Variants in ZNF442 observed in about 807,000 individuals in gnomAD.
ZNF442 encodes zinc finger protein 442.
Under a neutral mutation model 57.0 loss-of-function variants are expected in ZNF442, and 45 were observed. That is an observed-to-expected ratio of 0.79 (90% CI 0.62 to 1.01). The LOEUF is 1.01. ZNF442 is among the 50% of genes least tolerant of loss of function. The pLI is 0.00. For synonymous variants in ZNF442, 213 were observed against 241.8 expected (o/e 0.88, Z 1.10); for missense variants, 690 against 756.5 (o/e 0.91, Z 1.03).
upstream of ZNF442, among the ~76,000 whole-genome samples, chr19:12,370,424 T>C (rs781777935): frequency 3.9e-5 from 6 of 152,054 alleles, no homozygotes; most frequent in Non-Finnish European, 8.8e-5. Flanking sequence ...ACTCGCCCGC[T>C]GCTCACCTTC....
chr19:12,371,413 A>G, the ZNF442 span, among the ~76,000 whole-genome samples: 16 of 152,348 alleles, frequency 1.1e-4, no homozygotes, highest in South Asian at 3.3e-3. Context: ...CCTTTGGAGT[A>G]ATATTATATA....
Position 12,349,694 on chromosome 19 carries a change from T to C in ZNF442, c.*7A>G, listed in dbSNP as rs1352838019. ...ATGAAATAAAATTAATGAATGCTTT[T>C]CCACATTTATAGAGTATCTCTCCAG... is the stretch of plus-strand genomic sequence containing the variant. On this transcript the variant is annotated 3_prime_UTR_variant, in exon 6 of 6. Coordinates refer to ENST00000242804, the MANE Select transcript of ZNF442 (RefSeq NM_030824.3). The C allele has an allele frequency of 1.3e-6, 2 of 1,572,842 alleles. No homozygotes were observed. The highest frequency in any genetic ancestry group is 2.7e-5 in the African/African-American group (2 of 72,832).
chr19:12,370,265 A>G (rs559374495), upstream of ZNF442, among the ~76,000 whole-genome samples: 1 of 151,768 alleles, frequency 6.6e-6, no homozygotes, highest in East Asian at 1.9e-4. Context: ...CATAAGGTGC[A>G]TGCAACCTGG....
chr19:12,363,175 A>G (rs1969467195), intron 3 of ZNF442, among the ~76,000 whole-genome samples: 2 of 151,896 alleles, frequency 1.3e-5, no homozygotes, highest in East Asian at 1.9e-4. Context: ...AAAAAAAAAA[A>G]AAAAAGGAAT....
chr19:12,372,231 C>T, the ZNF442 span, among the ~76,000 whole-genome samples: 7 of 151,980 alleles, frequency 4.6e-5, no homozygotes, highest in Admixed American at 2.0e-4. Context: ...CCAAGGTGGG[C>T]GGATTACCTG....
chr19:12,369,437 G>A (rs202101361), upstream of ZNF442, among the ~76,000 whole-genome samples: 4 of 152,042 alleles, frequency 2.6e-5, no homozygotes, highest in East Asian at 7.8e-4. Flanking sequence ...TGACCGACAT[G>A]GAGAAACCCC....
chr19:12,369,564 G>T (rs141783758), upstream of ZNF442, among the ~76,000 whole-genome samples: 418 of 151,480 alleles, frequency 2.8e-3, 2 homozygotes, highest in African/African-American at 9.2e-3. Flanking sequence ...GTTGCAGTGA[G>T]CACTCCAGCC....
chr19:12,365,679 G>A lies in ZNF442; in HGVS notation c.-629C>T. 1 of 210,662 alleles carries A rather than the reference G, an allele frequency of 4.7e-6. No homozygotes were observed. Among genetic ancestry groups the A allele is most frequent in the Non-Finnish European group, 9.8e-6 (1 of 102,490 alleles). 13.0% of individuals were successfully genotyped at this position (210,662 alleles called of 1,614,324 possible). A position where few individuals can be genotyped will look rare whatever the true frequency, so the allele number is the denominator to read the frequency against. The stretch of plus-strand genomic sequence containing the variant: ...GCGGGAGCTCAGAGGGGTGTAGAAA[G>A]CTCCACCCTCCTCCCGGCAGCGCGC... On this transcript the variant is annotated 5_prime_UTR_variant, in exon 1 of 6. Transcript: ENST00000242804.
In ZNF442 at chr19:12,350,949, C is replaced by T. The variant is rs749492175; in HGVS notation, c.636G>A (p.Lys212=). The T allele has an allele frequency of 2.7e-5, 44 of 1,614,072 alleles. No individual in the cohort carries two copies. Among genetic ancestry groups the T allele is most frequent in the Non-Finnish European group, 3.2e-5 (38 of 1,180,036 alleles). The stretch of plus-strand genomic sequence containing the variant: ...GCCAAAAAAAGGCTTTCCCACACAA[C>T]TTACATATATAAGGTCCACCTCCAC... ...VQRGGGPYIC[K]LCGKAFFWPS... The change falls in exon 6 of 6, where the codon AAG becomes AAA. Residue 212 remains lysine (K), a synonymous_variant. Transcript: ENST00000242804.
chr19:12,366,401 C>T (rs574374612), upstream of ZNF442, among the ~76,000 whole-genome samples: 1 of 152,282 alleles, frequency 6.6e-6, no homozygotes, highest in South Asian at 2.1e-4. Flanking sequence ...GAAGTTGAGT[C>T]CCAGAGTGTG....
chr19:12,360,995 C>T (rs1969416101), intron 3 of ZNF442, among the ~76,000 whole-genome samples: 1 of 152,096 alleles, frequency 6.6e-6, no homozygotes, highest in East Asian at 1.9e-4. Flanking sequence ...AGTTCAAGAC[C>T]AGCCTGATCA....
chr19:12,359,583 C>A (rs766426912), intron 3 of ZNF442, among the ~76,000 whole-genome samples: 1 of 152,082 alleles, frequency 6.6e-6, no homozygotes, highest in Non-Finnish European at 1.5e-5. Flanking sequence ...GCTCCAGGAC[C>A]GTGAACTTTG....
At chr19:12,351,466 A>G (rs112592794) in intron 5 of ZNF442, 148 bp from the exon 6 acceptor site, 8 of 729,786 alleles carry the variant, frequency 1.1e-5, no homozygotes, top group African/African-American at 8.9e-5. Context: ...ATGTTGTACA[A>G]GATAACTCGA....
At chr19:12,373,292 T>A in the ZNF442 span, among the ~76,000 whole-genome samples, 1 of 152,098 alleles carries the variant, frequency 6.6e-6, no homozygotes, top group Non-Finnish European at 1.5e-5. Context: ...GTAATCCCAG[T>A]ACTTTGGGAG....
At chr19:12,357,938 A>G (rs1474374375) in intron 3 of ZNF442, among the ~76,000 whole-genome samples, 1 of 147,844 alleles carries the variant, frequency 6.8e-6, no homozygotes, top group Non-Finnish European at 1.5e-5. Flanking sequence ...CACATTATTT[A>G]CACGTGGGAG....
At chr19:12,373,457 G>A in the ZNF442 span, among the ~76,000 whole-genome samples, 8 of 152,128 alleles carry the variant, frequency 5.3e-5, no homozygotes, top group East Asian at 1.9e-4. Flanking sequence ...TGGGAGGATC[G>A]CTTGAGCCCG....
intron 3 of ZNF442, among the ~76,000 whole-genome samples, chr19:12,361,752 G>C (rs1342287277): frequency 1.5e-5 from 2 of 135,626 alleles, no homozygotes; most frequent in Non-Finnish European, 3.0e-5. Flanking sequence ...TCCCTCCACG[G>C]TCTCCCTCTG....
chr19:12,350,268 A>C lies in ZNF442; in HGVS notation c.1317T>G (p.Gly439=), dbSNP rs1286834089. The C allele has an allele frequency of 2.9e-5, 46 of 1,613,118 alleles. No homozygotes were observed. Among genetic ancestry groups the C allele is most frequent in the Non-Finnish European group, 3.7e-5 (44 of 1,179,796 alleles). ...GEKPYECKEC[G]KAFRISSSLR... ...GGGAACTAGAAATACGGAAGGCTTT[A>C]CCACATTCTTTACATTCATAGGGTT... Residue 439 remains glycine (G), a synonymous_variant, in exon 6 of 6, where the codon GGT becomes GGG. Coordinates refer to ENST00000242804, the MANE Select transcript of ZNF442 (RefSeq NM_030824.3).
At chr19:12,364,326 G>A (rs140696937) in intron 2 of ZNF442, among the ~76,000 whole-genome samples, 1,732 of 150,926 alleles carry the variant, frequency 0.011, 26 homozygotes, top group African/African-American at 0.04. Flanking sequence ...AGAATTTCTT[G>A]AACCCGGGAG....
Sources: allele counts gnomAD v4.1 joint callset (sites outside exome capture counted in the v4.1 genomes callset), GRCh38; gene constraint gnomAD v4.1.1; transcripts MANE v1.5; gene names NCBI Gene and HGNC (gene_info 2026-07-23, HGNC 2026-07-21).